The following ARMH4 variants were observed in gnomAD, a reference collection of about 807,000 sequenced individuals.
The protein encoded by ARMH4 is armadillo-like helical domain-containing protein 4.
Under a neutral mutation model 61.9 loss-of-function variants are expected in ARMH4, and 49 were observed. That is an observed-to-expected ratio of 0.79 (90% confidence interval 0.63 to 1.00). ARMH4 has a LOEUF of 1.00. Among genes scored for constraint, ARMH4 ranks in the 50% least tolerant of loss-of-function variants. The pLI is 0.00. For missense variants in ARMH4, 934 were observed against 930.0 expected (o/e 1.00, Z -0.06); for synonymous variants, 368 against 341.5 (o/e 1.08, Z -0.85).
intron 5 of ARMH4, among the ~76,000 whole-genome samples, chr14:58,074,180 C>T (rs888395399): frequency 6.6e-6 from 1 of 152,178 alleles, no homozygotes. Flanking sequence ...TGGGGACAAC[C>T]TCATGCCAGG....
intron 5 of ARMH4, among the ~76,000 whole-genome samples, chr14:58,071,101 A>C (rs1884869769): frequency 6.6e-6 from 1 of 151,138 alleles, no homozygotes; most frequent in African/African-American, 2.4e-5. Flanking sequence ...TTTTGGATGA[A>C]TAAGGTGAGT....
chr14:58,038,502 T>G (rs1883562689), intron 5 of ARMH4, among the ~76,000 whole-genome samples: 1 of 137,880 alleles, frequency 7.3e-6, no homozygotes, highest in African/African-American at 2.7e-5. Flanking sequence ...TGTATACATA[T>G]GTAACTAACC....
At chr14:58,107,868 TTTCTCCCAC>T (rs948477049) in intron 4 of ARMH4, among the ~76,000 whole-genome samples, 5 of 152,020 alleles carry the variant, frequency 3.3e-5, no homozygotes, top group African/African-American at 4.8e-5. Context: ...CATATTAGCC[TTTCTCCCAC>T]TTCTCCCATG....
intron 5 of ARMH4, among the ~76,000 whole-genome samples, chr14:58,072,565 A>C (rs1314651586): frequency 6.6e-6 from 1 of 151,642 alleles, no homozygotes; most frequent in Admixed American, 6.6e-5. Context: ...CTAACAACAC[A>C]AAAAAAATTA....
chr14:58,123,728 C>T (rs1457095808), intron 4 of ARMH4, among the ~76,000 whole-genome samples: 7 of 152,284 alleles, frequency 4.6e-5, no homozygotes, highest in East Asian at 3.9e-4. Flanking sequence ...CTCAACTCAC[C>T]TGGACTGTTT....
chr14:58,137,901 A>G, intron 2 of ARMH4, 89 bp downstream of exon 2: 1 of 1,318,754 alleles, frequency 7.6e-7, no homozygotes, highest in South Asian at 1.5e-5. Flanking sequence ...TTTCATTAAA[A>G]CTTCAACCTA....
chr14:58,065,907 A>C (rs1884685790), intron 5 of ARMH4, among the ~76,000 whole-genome samples: 1 of 152,332 alleles, frequency 6.6e-6, no homozygotes. Flanking sequence ...AGCCAACAAG[A>C]ACCTGAATCC....
At chr14:58,137,328 G>A (rs1389794524) in intron 2 of ARMH4, among the ~76,000 whole-genome samples, 1 of 152,170 alleles carries the variant, frequency 6.6e-6, no homozygotes, top group Non-Finnish European at 1.5e-5. Context: ...GAAGGGGAAA[G>A]CAAAATAAAA....
chr14:58,090,962 TC>T (rs1446880263), intron 5 of ARMH4, among the ~76,000 whole-genome samples: 1 of 148,930 alleles, frequency 6.7e-6, no homozygotes, highest in East Asian at 2.0e-4. Flanking sequence ...ATGCCTGTAA[TC>T]CCAGCACTTT....
intron 5 of ARMH4, among the ~76,000 whole-genome samples, chr14:58,022,444 G>A (rs1328897649): frequency 2.6e-5 from 4 of 152,108 alleles, no homozygotes; most frequent in Non-Finnish European, 4.4e-5. Flanking sequence ...CATCTTTTGG[G>A]GAAGCCACTA....
chr14:58,027,845 A>G (rs1378237816), intron 5 of ARMH4, among the ~76,000 whole-genome samples: 1 of 152,258 alleles, frequency 6.6e-6, no homozygotes, highest in Non-Finnish European at 1.5e-5. Flanking sequence ...AAATATGTAC[A>G]GCTTCTTATA....
Position 58,096,869 on chromosome 14 carries a change from A to G in ARMH4, c.1944T>C (p.Asp648=). ...KDADSLDEGL[D]GDTELPGFTL... ...TAAAACCTGGCAGCTCAGTGTCACC[A>G]TCCAAGCCCTCATCCAGCGAGTCTG... The change falls in exon 5 of 8, where the codon GAT becomes GAC. Residue 648 remains aspartate, a synonymous_variant. Coordinates refer to ENST00000267485, the MANE Select transcript of ARMH4 (RefSeq NM_001001872.4). The G allele has an allele frequency of 2.5e-6, 4 of 1,614,106 alleles. No individual in the cohort carries two copies. Among genetic ancestry groups the G allele is most frequent in the Non-Finnish European group, 3.4e-6 (4 of 1,180,018 alleles).
intron 5 of ARMH4, among the ~76,000 whole-genome samples, chr14:58,079,903 A>T (rs10144315): frequency 0.44 from 67,005 of 151,810 alleles, 15,065 homozygotes; most frequent in Non-Finnish European, 0.47. Flanking sequence ...AATTCCACAC[A>T]ACTTATAAAC....
chr14:58,007,847 T>C (rs1882236489), intron 6 of ARMH4, among the ~76,000 whole-genome samples: 2 of 152,186 alleles, frequency 1.3e-5, no homozygotes, highest in Non-Finnish European at 1.5e-5. Context: ...ATAACCTGAA[T>C]CTAATCATGA....
intron 5 of ARMH4, among the ~76,000 whole-genome samples, chr14:58,042,864 A>C (rs1349125460): frequency 2.5e-4 from 38 of 152,274 alleles, no homozygotes; most frequent in East Asian, 3.9e-4. Context: ...ATAAATTCCT[A>C]GACACATACA....
chr14:58,007,944 T>C (rs896192419), intron 6 of ARMH4, among the ~76,000 whole-genome samples: 9 of 152,100 alleles, frequency 5.9e-5, no homozygotes, highest in Non-Finnish European at 1.0e-4. Context: ...AGATAAAAGA[T>C]GGCTATAAAA....
chr14:58,039,499 G>T (rs752823013), intron 5 of ARMH4, among the ~76,000 whole-genome samples: 2 of 152,144 alleles, frequency 1.3e-5, no homozygotes, highest in African/African-American at 2.4e-5. Context: ...TTCAGGAAAA[G>T]ACTTTGCAGA....
At position 58,150,959 on chromosome 14, in the gene ARMH4, C is replaced by T. The variant is rs12147774; in HGVS notation, c.-57+1116G>A. Among the ~76,000 whole-genome samples, 1,487 of 152,248 alleles carry T rather than the reference C, an allele frequency of 9.8e-3. 10 individuals are homozygous for T. Among genetic ancestry groups the T allele is most frequent in the Non-Finnish European group, 0.015 (1,030 of 68,022 alleles). ...GACTCCCTGGAGCCCAACAGCATCA[C>T]TTGTGATCAAGGAAATACACCAAAA... On this transcript the variant is annotated intron_variant, in intron 1 of 7. Coordinates refer to ENST00000267485, the MANE Select transcript of ARMH4 (RefSeq NM_001001872.4).
intron 4 of ARMH4, among the ~76,000 whole-genome samples, chr14:58,121,842 C>T (rs2141306174): frequency 6.6e-6 from 1 of 152,316 alleles, no homozygotes; most frequent in Non-Finnish European, 1.5e-5. Context: ...TCATCCTTCC[C>T]TAACACATTT....
Sources: allele counts gnomAD v4.1 joint callset (sites outside exome capture counted in the v4.1 genomes callset), GRCh38; gene constraint gnomAD v4.1.1; transcripts MANE v1.5; gene names NCBI Gene and HGNC (gene_info 2026-07-23, HGNC 2026-07-21).